RBFOX1: variants seen among roughly 807,000 people sequenced by gnomAD.
RBFOX1 encodes RNA binding fox-1 homolog 1.
RBFOX1 carries 8 observed loss-of-function variants against 57.7 expected under a neutral mutation model. The ratio of observed to expected loss-of-function variants is 0.14; its 90% confidence interval spans 0.08 to 0.25. The LOEUF (loss-of-function observed/expected upper bound fraction) is 0.25. Among genes scored for constraint, RBFOX1 ranks in the 10% least tolerant of loss-of-function variants. The probability of loss-of-function intolerance (pLI) is 1.00; values close to 1 mark genes in which losing one functional copy is unlikely to be tolerated. For synonymous variants in RBFOX1, 326 were observed against 222.4 expected, an observed-to-expected ratio of 1.47 and a Z score of -4.15; for missense variants, 611 against 548.5, an observed-to-expected ratio of 1.11 and a Z score of -1.14.
intron 1 of RBFOX1, among the ~76,000 whole-genome samples, chr16:6,155,582 G>A (rs201357746): frequency 1.4e-4 from 22 of 152,318 alleles, no homozygotes; most frequent in East Asian, 7.7e-4. Flanking sequence ...AGGCATTGCC[G>A]TCTGCTGGCT....
At chr16:6,025,123 C>T (rs2095164042) in intron 1 of RBFOX1, among the ~76,000 whole-genome samples, 1 of 152,176 alleles carries the variant, frequency 6.6e-6, no homozygotes, top group Non-Finnish European at 1.5e-5. Context: ...ATGTCTTAAA[C>T]ATTATGGGAA....
At chr16:7,695,251 A>T (rs1422756351) in intron 14 of RBFOX1, among the ~76,000 whole-genome samples, 3 of 152,208 alleles carry the variant, frequency 2.0e-5, no homozygotes, top group Non-Finnish European at 4.4e-5. Context: ...AAAAGGAGAC[A>T]CCCATATCCA....
chr16:6,648,876 T>A (rs2098554419), intron 2 of RBFOX1, among the ~76,000 whole-genome samples: 1 of 152,240 alleles, frequency 6.6e-6, no homozygotes, highest in African/African-American at 2.4e-5. Flanking sequence ...ATGTACAACA[T>A]GATGTTTGGA....
intron 2 of RBFOX1, among the ~76,000 whole-genome samples, chr16:6,477,744 A>G (rs890710553): frequency 2.6e-5 from 4 of 152,200 alleles, no homozygotes; most frequent in African/African-American, 9.6e-5. Context: ...AAAGTTATAG[A>G]TACCATCTTC....
At chr16:5,456,164 T>C (rs1198789467) in intron 1 of RBFOX1, among the ~76,000 whole-genome samples, 1 of 152,086 alleles carries the variant, frequency 6.6e-6, no homozygotes, top group African/African-American at 2.4e-5. Flanking sequence ...GTCAAAAAAC[T>C]TACAATACCT....
intron 3 of RBFOX1, among the ~76,000 whole-genome samples, chr16:6,722,833 T>C (rs1568355543): frequency 1.3e-5 from 2 of 152,210 alleles, no homozygotes; most frequent in South Asian, 4.1e-4. Context: ...GCTGCAATAT[T>C]CATCAGTAAG....
intron 1 of RBFOX1, among the ~76,000 whole-genome samples, chr16:6,288,760 C>T (rs964062920): frequency 6.6e-6 from 1 of 152,092 alleles, no homozygotes; most frequent in African/African-American, 2.4e-5. Context: ...GCAGATAGCA[C>T]CTGAATACGC....
chr16:6,121,458 A>G (rs2096548627), intron 1 of RBFOX1, among the ~76,000 whole-genome samples: 1 of 152,152 alleles, frequency 6.6e-6, no homozygotes, highest in South Asian at 2.1e-4. Flanking sequence ...GCTTCTCTTC[A>G]TCTCAGGCCA....
At chr16:7,073,618 T>G (rs1255346600) in intron 4 of RBFOX1, among the ~76,000 whole-genome samples, 2 of 151,708 alleles carry the variant, frequency 1.3e-5, no homozygotes, top group Non-Finnish European at 2.9e-5. Flanking sequence ...TCGAGGTGAG[T>G]GGAGCACTTG....
chr16:7,329,435 G>A (rs746041452), intron 4 of RBFOX1, among the ~76,000 whole-genome samples: 3 of 152,154 alleles, frequency 2.0e-5, no homozygotes, highest in Admixed American at 6.5e-5. Context: ...AAAGACACAC[G>A]ACATAGTGTC....
intron 4 of RBFOX1, among the ~76,000 whole-genome samples, chr16:7,420,907 A>T (rs1489013315): frequency 7.1e-6 from 1 of 141,650 alleles, no homozygotes; most frequent in East Asian, 2.0e-4. Flanking sequence ...ACACACATAT[A>T]TATACATATA....
At chr16:7,175,802 C>A (rs745908324) in intron 4 of RBFOX1, among the ~76,000 whole-genome samples, 2 of 152,150 alleles carry the variant, frequency 1.3e-5, no homozygotes, top group Non-Finnish European at 2.9e-5. Flanking sequence ...AGTCTCTGCA[C>A]ATGTTTCTCA....
chr16:7,377,614 C>T (rs983043793), intron 4 of RBFOX1, among the ~76,000 whole-genome samples: 3 of 152,164 alleles, frequency 2.0e-5, no homozygotes, highest in Admixed American at 6.5e-5. Context: ...ATCAGTATAA[C>T]TTTATAGCGC....
At chr16:6,672,674 C>T (rs1176551674) in intron 3 of RBFOX1, among the ~76,000 whole-genome samples, 1 of 152,108 alleles carries the variant, frequency 6.6e-6, no homozygotes, top group Non-Finnish European at 1.5e-5. Context: ...AAACCTCCAC[C>T]CACCATGATT....
intron 3 of RBFOX1, among the ~76,000 whole-genome samples, chr16:6,972,482 C>A (rs938535373): frequency 1.4e-4 from 22 of 152,128 alleles, no homozygotes; most frequent in African/African-American, 5.3e-4. Context: ...TTTATCCATT[C>A]ATCTGTCAGT....
rs570705326 is a variant in RBFOX1 at position 6,606,834 on chromosome 16, T to G, written c.-63-47769T>G. 5.3e-4 allele frequency among the ~76,000 whole-genome samples: 80 copies of G among 152,320 alleles called. 2 individuals are homozygous for G. The South Asian group carries it at 0.016, about 31-fold the overall frequency. On this transcript the variant is annotated intron_variant, in intron 2 of 15. Coordinates refer to ENST00000550418, the MANE Select transcript of RBFOX1 (RefSeq NM_018723.4). ...AGTGAACATACGCGTGCATGTATCTTTATAATAGAATGATTTGTATTCCTT... is the reference window on the plus strand; with the variant it reads ...AGTGAACATACGCGTGCATGTATCTGTATAATAGAATGATTTGTATTCCTT...
intron 5 of RBFOX1, chr16:7,519,633 T>C (rs964482166): frequency 1.2e-5 from 11 of 921,348 alleles, no homozygotes; most frequent in Non-Finnish European, 1.4e-5. Flanking sequence ...GTATGGAACA[T>C]GCATTTGGGA....
intron 4 of RBFOX1, among the ~76,000 whole-genome samples, chr16:7,381,354 A>T (rs1049665183): frequency 2.0e-5 from 3 of 152,222 alleles, no homozygotes; most frequent in African/African-American, 7.2e-5. Flanking sequence ...ATAGTACTAT[A>T]AGTAATTAGA....
At chr16:5,245,783 AT>A (rs1033869000) in intron 1 of RBFOX1, among the ~76,000 whole-genome samples, 3 of 137,240 alleles carry the variant, frequency 2.2e-5, no homozygotes, top group Non-Finnish European at 5.0e-5. Flanking sequence ...TTTACTATAC[AT>A]TGGAAAAGTC....
Sources: gnomAD v4.1 joint callset for allele counts (sites outside exome capture counted in the v4.1 genomes callset) on GRCh38, gnomAD v4.1.1 for gene constraint, MANE v1.5 for transcripts, NCBI Gene and HGNC (gene_info 2026-07-23, HGNC 2026-07-21) for gene names.